Variants in SEC22C observed in about 807,000 individuals in gnomAD.
SEC22C encodes the protein SEC22 homolog C, vesicle trafficking protein, also known as vesicle-trafficking protein SEC22c.
In SEC22C, 29 loss-of-function variants were observed where a neutral mutation model predicts 34.7. That is an observed-to-expected ratio of 0.84 (90% CI 0.62 to 1.14). The LOEUF (loss-of-function observed/expected upper bound fraction) is 1.14, where lower values mean the gene tolerates loss of function less well. SEC22C is among the 50% of genes most tolerant of loss of function. The pLI is 0.00. For missense variants in SEC22C, 337 were observed against 369.0 expected, an observed-to-expected ratio of 0.91 and a Z score of 0.71; for synonymous variants, 117 against 132.8, an observed-to-expected ratio of 0.88 and a Z score of 0.82.
At chr3:42,594,329 C>A in intron 1 of SEC22C, 1 of 888,932 alleles carries the variant, frequency 1.1e-6, no homozygotes, top group Non-Finnish European at 1.9e-6. Context: ...AGTGGATGAG[C>A]CATTCCACTA....
intron 1 of SEC22C, among the ~76,000 whole-genome samples, chr3:42,599,191 T>C (rs1705160738): frequency 6.7e-6 from 1 of 150,008 alleles, no homozygotes; most frequent in Non-Finnish European, 1.5e-5. Flanking sequence ...GGTCTCGATC[T>C]CCTGACCTCG....
In SEC22C at chr3:42,549,088, T is replaced by C. The variant is rs2125689046; in HGVS notation, c.*4160A>G. 1 of 997,438 alleles carries C rather than the reference T, an allele frequency of 1.0e-6. No individual in the cohort carries two copies. The highest frequency in any genetic ancestry group is 1.2e-6 in the Non-Finnish European group (1 of 836,178). The allele number at this position is 997,438 out of a possible 1,614,324, so 61.8% of individuals were successfully genotyped here. ...GACGGTCAGCTGACTGGTGCACTCT[T>C]TCCCTCACCTTCTCTCTCAAGGGCA... On this transcript the variant is annotated 3_prime_UTR_variant, in exon 7 of 7. Transcript: ENST00000264454.
At chr3:42,553,670 A>G (rs1702362135) in intron 6 of SEC22C, among the ~76,000 whole-genome samples, 1 of 152,240 alleles carries the variant, frequency 6.6e-6, no homozygotes, top group Non-Finnish European at 1.5e-5. Flanking sequence ...TAGATGTCAC[A>G]GGAAGAATCA....
intron 4 of SEC22C, among the ~76,000 whole-genome samples, chr3:42,559,203 C>T (rs75653972): frequency 0.011 from 1,639 of 152,304 alleles, 25 homozygotes; most frequent in African/African-American, 0.037. Flanking sequence ...TACCTCGCCA[C>T]AATCCAACTT....
Position 42,549,379 on chromosome 3 carries a change from G to A in SEC22C, c.*3869C>T, listed in dbSNP as rs2125689313. On this transcript the variant is annotated 3_prime_UTR_variant, in exon 7 of 7. Transcript: ENST00000264454. ...CAACTCCTTCACAGAACAGCAAATAGCAGCCCTGGCTACAAGGTGCAGTGT... is the reference window on the plus strand; with the variant it reads ...CAACTCCTTCACAGAACAGCAAATAACAGCCCTGGCTACAAGGTGCAGTGT... 5.1e-6 allele frequency: 5 copies of A among 985,586 alleles called. No homozygotes were observed. The highest frequency in any genetic ancestry group is 6.0e-6 in the Non-Finnish European group (5 of 830,048). 61.1% of individuals were successfully genotyped at this position (985,586 alleles called of 1,614,324 possible).
At chr3:42,566,774 C>A (rs747525079) in intron 2 of SEC22C, 6 of 371,096 alleles carry the variant, frequency 1.6e-5, no homozygotes, top group Non-Finnish European at 3.3e-5. Flanking sequence ...AAGGCCAAGG[C>A]GGGAGGATCA....
upstream of SEC22C, among the ~76,000 whole-genome samples, chr3:42,586,035 C>A (rs953351005): frequency 1.3e-5 from 2 of 152,128 alleles, no homozygotes; most frequent in Non-Finnish European, 1.5e-5. Flanking sequence ...AACTCCTCTC[C>A]TTCCAGCTAC....
At chr3:42,562,916 T>C (rs1220788829) in intron 3 of SEC22C, among the ~76,000 whole-genome samples, 4 of 152,234 alleles carry the variant, frequency 2.6e-5, no homozygotes, top group Admixed American at 2.6e-4. Flanking sequence ...CGCAGACTGA[T>C]ATTTTGCTTT....
chr3:42,560,591 T>C (rs557741966), intron 4 of SEC22C, among the ~76,000 whole-genome samples: 3 of 151,988 alleles, frequency 2.0e-5, no homozygotes, highest in African/African-American at 7.2e-5. Context: ...GGCTCCTGAA[T>C]TTCATCACAA....
At chr3:42,558,232 C>A (rs1474528177) in intron 4 of SEC22C, among the ~76,000 whole-genome samples, 1 of 152,026 alleles carries the variant, frequency 6.6e-6, no homozygotes, top group Non-Finnish European at 1.5e-5. Flanking sequence ...AATGCCAGCA[C>A]TCTGGGAGGC....
upstream of SEC22C, among the ~76,000 whole-genome samples, chr3:42,584,705 C>G (rs1190752683): frequency 2.0e-5 from 3 of 152,156 alleles, no homozygotes; most frequent in Non-Finnish European, 4.4e-5. Flanking sequence ...GGGATTTATA[C>G]CCTTGTGTAG....
chr3:42,582,904 T>C (rs1704472722), upstream of SEC22C, among the ~76,000 whole-genome samples: 1 of 152,322 alleles, frequency 6.6e-6, no homozygotes, highest in African/African-American at 2.4e-5. Context: ...GTACAGAATT[T>C]CAGCTGGAGA....
chr3:42,589,082 G>T (rs1329222987), intron 1 of SEC22C, among the ~76,000 whole-genome samples: 3 of 151,624 alleles, frequency 2.0e-5, no homozygotes, highest in Non-Finnish European at 4.4e-5. Context: ...GACCAATATG[G>T]TGAAACCCCA....
chr3:42,569,817 A>G (rs1211237225), intron 1 of SEC22C, among the ~76,000 whole-genome samples: 1 of 152,232 alleles, frequency 6.6e-6, no homozygotes, highest in Non-Finnish European at 1.5e-5. Flanking sequence ...TGCCTTGGGC[A>G]GATTAGGAAA....
At chr3:42,593,807 TAG>T (rs1269858188) in intron 1 of SEC22C, among the ~76,000 whole-genome samples, 1 of 151,930 alleles carries the variant, frequency 6.6e-6, no homozygotes, top group African/African-American at 2.4e-5. Context: ...GATATTTGAG[TAG>T]AGACCTGGGG....
At chr3:42,560,122 ATATAT>A in intron 4 of SEC22C, among the ~76,000 whole-genome samples, 1 of 83,982 alleles carries the variant, frequency 1.2e-5, no homozygotes, top group East Asian at 3.8e-4. Flanking sequence ...CTCTCTCTCT[ATATAT>A]ATATATATAT....
chr3:42,594,440 T>C (rs781042368), intron 1 of SEC22C: 2 of 1,613,992 alleles, frequency 1.2e-6, no homozygotes, highest in East Asian at 2.2e-5. Context: ...ATGTGTTACA[T>C]AGAAATCTCA....
chr3:42,591,503 C>G, intron 1 of SEC22C: 1 of 1,603,036 alleles, frequency 6.2e-7, no homozygotes, highest in Non-Finnish European at 8.5e-7. Flanking sequence ...TGCACTGACC[C>G]TTTCTTTCTC....
chr3:42,590,738 G>T, intron 1 of SEC22C: 1 of 785,774 alleles, frequency 1.3e-6, no homozygotes, highest in Non-Finnish European at 2.2e-6. Context: ...GGCTGGGACC[G>T]AGGAAAGCGC....
Sources: gnomAD v4.1 joint callset for allele counts (sites outside exome capture counted in the v4.1 genomes callset) on GRCh38, gnomAD v4.1.1 for gene constraint, MANE v1.5 for transcripts, NCBI Gene and HGNC (gene_info 2026-07-23, HGNC 2026-07-21) for gene names.